ABCF1: variants seen among roughly 807,000 people sequenced by gnomAD.
The protein encoded by ABCF1 is ATP-binding cassette sub-family F member 1.
Under a neutral mutation model 126.3 loss-of-function variants are expected in ABCF1, and 73 were observed. That is an observed-to-expected ratio of 0.58 (90% CI 0.48 to 0.70). The LOEUF is 0.70. ABCF1 is among the 30% of genes least tolerant of loss of function. The probability of loss-of-function intolerance (pLI) is 0.00; values close to 1 mark genes in which losing one functional copy is unlikely to be tolerated. For missense variants in ABCF1, 786 were observed against 1,057.5 expected (o/e 0.74, Z 3.56); for synonymous variants, 345 against 396.4 (o/e 0.87, Z 1.54).
chr6:30,571,501 C>T lies in ABCF1; in HGVS notation c.14C>T (p.Pro5Leu). The change falls in exon 1 of 25, where the codon CCC (proline) becomes CTC (leucine). Residue 5 changes from proline to leucine, a missense_variant. Around this residue, in one of 4 missense-constraint regions of ABCF1, gnomAD observed 322 missense variants for 322.9 expected, o/e 1.00. Transcript: ENST00000326195. ...ACTGCCACCGCGATGCCGAAGGCGC[C>T]CAAGCAGCAGCCGCCGGAGCCCGAG... MPKA[P>L]KQQPPEPEWI... 6.2e-7 allele frequency: 1 copy of T among 1,611,048 alleles called. No individual in the cohort carries two copies. Among genetic ancestry groups the T allele is most frequent in the Non-Finnish European group, 8.5e-7 (1 of 1,179,466 alleles).
At position 30,586,853 on chromosome 6, in the gene ABCF1, G is replaced by T; in HGVS notation, c.2031+142G>T. 2.1e-6 allele frequency: 2 copies of T among 939,378 alleles called. No homozygotes were observed. Among genetic ancestry groups the T allele is most frequent in the Non-Finnish European group, 3.2e-6 (2 of 616,354 alleles). 58.2% of individuals were successfully genotyped at this position (939,378 alleles called of 1,614,324 possible). On this transcript the variant is annotated intron_variant, in intron 20 of 24. Coordinates refer to ENST00000326195, the MANE Select transcript of ABCF1 (RefSeq NM_001025091.2). The surrounding 1 kb of genome is among the most constrained non-coding windows in gnomAD (Gnocchi z 4.9). ...TAGATGATTCATTTCCCTAAGAGGGGCAGTAGAGGAGGAAAGAGCTTAGAT... is the reference window on the plus strand; with the variant it reads ...TAGATGATTCATTTCCCTAAGAGGGTCAGTAGAGGAGGAAAGAGCTTAGAT...
At chr6:30,588,444 C>T (rs1470832962) in intron 20 of ABCF1, among the ~76,000 whole-genome samples, 1 of 152,060 alleles carries the variant, frequency 6.6e-6, no homozygotes, top group Non-Finnish European at 1.5e-5. Context: ...TCACTGCAAC[C>T]TCCGTCTCCT....
In ABCF1 at chr6:30,589,908, C is replaced by T. The variant is rs1267740487; in HGVS notation, c.2167C>T (p.Arg723Cys). Residue 723 changes from arginine (R) to cysteine (C), a missense_variant, in exon 22 of 25, where the codon CGC (arginine) becomes TGC (cysteine). Transcript: ENST00000326195. ...RGFNLPYQDA[R>C]KCLGRFGLES... ...CTTCAACCTGCCCTACCAGGATGCC[C>T]GCAAGTGCCTGGGCCGCTTCGGCCT... 4.3e-6 allele frequency: 7 copies of T among 1,614,150 alleles called. No individual in the cohort carries two copies. The highest frequency in any genetic ancestry group is 1.7e-4 in the Middle Eastern group (1 of 6,048).
intron 24 of ABCF1, 31 bp from the exon 25 acceptor site, chr6:30,590,504 T>C: frequency 6.3e-7 from 1 of 1,596,370 alleles, no homozygotes; most frequent in Non-Finnish European, 8.5e-7. Flanking sequence ...CCTTTCTTCC[T>C]GCCCTCTGTT....
In ABCF1 at chr6:30,583,972, G is replaced by A. The variant is rs569946018; in HGVS notation, c.1102+82G>A. 6.5e-7 allele frequency: 1 copy of A among 1,529,112 alleles called. No individual in the cohort carries two copies. The highest frequency in any genetic ancestry group is 1.4e-5 in the African/African-American group (1 of 73,206). 94.7% of individuals were successfully genotyped at this position (1,529,112 alleles called of 1,614,324 possible). A position where few individuals can be genotyped will look rare whatever the true frequency, so the allele number is the denominator to read the frequency against. ...CAGCCAGCCAAGAATAGAAGAAATT[G>A]TGGCTATGGAGTTGGAAGGGATGTG... On this transcript the variant is annotated intron_variant, in intron 12 of 24. Transcript: ENST00000326195. This position sits in a 1 kb window ranked among gnomAD's most constrained non-coding sequence, Gnocchi z 4.1.
intron 1 of ABCF1, among the ~76,000 whole-genome samples, chr6:30,576,274 C>CTTT (rs1235123074): frequency 1.8e-4 from 12 of 67,124 alleles, no homozygotes; most frequent in South Asian, 9.0e-4. Flanking sequence ...TCTCTGAGTG[C>CTTT]TCTTTTTTTT....
At position 30,586,533 on chromosome 6, in the gene ABCF1, G is replaced by A. The variant is rs776446823; in HGVS notation, c.1945G>A (p.Asp649Asn). 3.7e-6 allele frequency: 6 copies of A among 1,613,348 alleles called. No individual in the cohort carries two copies. Among genetic ancestry groups the A allele is most frequent in the East Asian group, 2.2e-5 (1 of 44,880 alleles). The change falls in exon 19 of 25, where the codon GAC becomes AAC. Residue 649 changes from aspartate to asparagine, a missense_variant. Transcript: ENST00000326195. This position sits in a 1 kb window ranked among gnomAD's most constrained non-coding sequence, Gnocchi z 4.9. Reference sequence around the variant, plus strand: ...CTTTAAGAACTTGGATTTTGGCATCGACATGGATTCAAGGAGTGAGTTGGC... The same window carrying A: ...CTTTAAGAACTTGGATTTTGGCATCAACATGGATTCAAGGAGTGAGTTGGC... Reference protein sequence around the residue: ...PLFKNLDFGIDMDSRICIVGP... With the variant: ...PLFKNLDFGINMDSRICIVGP...
In ABCF1 at chr6:30,586,884, C is replaced by A. The variant is rs558394940; in HGVS notation, c.2031+173C>A. ...GAGGAGGAAAGAGCTTAGATCAGTT[C>A]AGGGGGGAGAGCTAAGAGAATTAAG... On this transcript the variant is annotated intron_variant, in intron 20 of 24. Transcript: ENST00000326195. This position sits in a 1 kb window ranked among gnomAD's most constrained non-coding sequence, Gnocchi z 4.9. Among the ~76,000 whole-genome samples the A allele has an allele frequency of 1.1e-4, 17 of 152,242 alleles. No individual in the cohort carries two copies. The highest frequency in any genetic ancestry group is 3.9e-4 in the African/African-American group (16 of 41,542).
intron 1 of ABCF1, 107 bp from the exon 2 acceptor site, chr6:30,577,302 T>A: frequency 9.7e-7 from 1 of 1,030,914 alleles, no homozygotes; most frequent in South Asian, 1.6e-5. Context: ...ATAGTTAAGC[T>A]AGAAAAATAA....
chr6:30,578,395 C>G lies in ABCF1; in HGVS notation c.381+10C>G. ...AGGGAAGAAAACCAAGGTAAGCCAT[C>G]TGTGTGGTAAACGGAGACTCCAAGG... On this transcript the variant is annotated intron_variant, in intron 5 of 24. Coordinates refer to ENST00000326195, the MANE Select transcript of ABCF1 (RefSeq NM_001025091.2). 6.2e-7 allele frequency: 1 copy of G among 1,614,136 alleles called. No individual in the cohort carries two copies. Among genetic ancestry groups the G allele is most frequent in the Non-Finnish European group, 8.5e-7 (1 of 1,180,020 alleles).
At position 30,589,704 on chromosome 6, in the gene ABCF1, G is replaced by A. The variant is rs1288915039; in HGVS notation, c.2048G>A (p.Arg683Lys). 1 of 1,614,044 alleles carries A rather than the reference G, an allele frequency of 6.2e-7. No individual in the cohort carries two copies. Among genetic ancestry groups the A allele is most frequent in the East Asian group, 2.2e-5 (1 of 44,896 alleles). ...CCCTTGCAGACCCATGGGGAAATGA[G>A]AAAGAACCACCGGCTGGTAAGTTGG... is the stretch of plus-strand genomic sequence containing the variant. The part of the protein sequence containing the change: ...GKLTPTHGEM[R>K]KNHRLKIGFF... The change falls in exon 21 of 25, where the codon AGA becomes AAA. Residue 683 changes from arginine (R) to lysine (K), a missense_variant. Physicochemically the swap from Arg to Lys is conservative, Grantham distance 26. This residue lies in a region of ABCF1 where 288 missense variants were observed against 423.5 expected (regional missense o/e 0.68). Transcript: ENST00000326195.
chr6:30,585,222 T>A, intron 14 of ABCF1, 38 bp from the exon 15 acceptor site: 2 of 1,572,860 alleles, frequency 1.3e-6, no homozygotes, highest in South Asian at 1.1e-5. Flanking sequence ...CAAGGATCTT[T>A]CTCTCCCTGA....
At chr6:30,575,466 G>A (rs1030730933) in intron 1 of ABCF1, among the ~76,000 whole-genome samples, 6 of 151,844 alleles carry the variant, frequency 4.0e-5, no homozygotes, top group Non-Finnish European at 2.9e-5. Context: ...TAATAAATAG[G>A]CCTAAGCCTG....
chr6:30,583,916 C>T lies in ABCF1; in HGVS notation c.1102+26C>T, dbSNP rs370979514. 175 of 1,609,866 alleles carry T rather than the reference C, an allele frequency of 1.1e-4. No individual in the cohort carries two copies. Among genetic ancestry groups the T allele is most frequent in the Non-Finnish European group, 1.4e-4 (163 of 1,177,280 alleles). On this transcript the variant is annotated intron_variant, in intron 12 of 24. Transcript: ENST00000326195. This position sits in a 1 kb window ranked among gnomAD's most constrained non-coding sequence, Gnocchi z 4.1. Reference sequence around the variant, plus strand: ...GTGAGACCACTGGGGAGAAAAGGGGCTTGGTGGGGTGGGCAGTTGGGTAGA... The same window carrying T: ...GTGAGACCACTGGGGAGAAAAGGGGTTTGGTGGGGTGGGCAGTTGGGTAGA...
At chr6:30,581,385 A>G (rs1801807426) in intron 8 of ABCF1, among the ~76,000 whole-genome samples, 2 of 145,280 alleles carry the variant, frequency 1.4e-5, no homozygotes, top group African/African-American at 5.1e-5. Context: ...ACTGTGCACT[A>G]GAGCTTCCTG....
Position 30,584,548 on chromosome 6 carries a change from T to C in ABCF1, c.1373T>C (p.Met458Thr). ...PTQKFSGGWR[M>T]RVSLARALFM... Reference sequence around the variant, plus strand: ...CAGAAGTTCTCAGGGGGCTGGCGCATGCGTGTCTCCCTGGCCAGGTGGGCC... The same window carrying C: ...CAGAAGTTCTCAGGGGGCTGGCGCACGCGTGTCTCCCTGGCCAGGTGGGCC... Residue 458 changes from methionine to threonine, a missense_variant, in exon 14 of 25, where the codon ATG becomes ACG. Met to Thr is a moderately conservative substitution (Grantham distance 81). Coordinates refer to ENST00000326195, the MANE Select transcript of ABCF1 (RefSeq NM_001025091.2). This position sits in a 1 kb window ranked among gnomAD's most constrained non-coding sequence, Gnocchi z 4.6. The C allele has an allele frequency of 6.2e-7, 1 of 1,605,636 alleles. No homozygotes were observed. Among genetic ancestry groups the C allele is most frequent in the Non-Finnish European group, 8.5e-7 (1 of 1,175,530 alleles).
In ABCF1 at chr6:30,584,596, C is replaced by A; in HGVS notation, c.1391+30C>A. The A allele has an allele frequency of 6.4e-7, 1 of 1,561,856 alleles. No individual in the cohort carries two copies. The highest frequency in any genetic ancestry group is 1.2e-5 in the South Asian group (1 of 84,766). ...GCCATTCACCTCACTGCCCTCCCTT[C>A]CAGCCTCAGACCACCGGGGCCCTTT... is the stretch of plus-strand genomic sequence containing the variant. On this transcript the variant is annotated intron_variant, in intron 14 of 24. Coordinates refer to ENST00000326195, the MANE Select transcript of ABCF1 (RefSeq NM_001025091.2). This position sits in a 1 kb window ranked among gnomAD's most constrained non-coding sequence, Gnocchi z 4.6.
rs753115342 is a variant in ABCF1 at position 30,590,543 on chromosome 6, G to A, written c.2380G>A (p.Val794Ile). The A allele has an allele frequency of 2.6e-5, 42 of 1,610,108 alleles. No homozygotes were observed. The East Asian group carries it at 5.4e-4, about 21-fold the overall frequency. ...AINEYKGAVI[V>I]VSHDARLITE... ...GCTATCTTTCTTCAAAGCTGTGATC[G>A]TTGTCAGCCATGATGCCCGACTCAT... is the stretch of plus-strand genomic sequence containing the variant. Residue 794 changes from valine (V) to isoleucine (I), a missense_variant, in exon 25 of 25, where the codon GTT becomes ATT. Val to Ile is a conservative substitution (Grantham distance 29, BLOSUM62 3). Coordinates refer to ENST00000326195, the MANE Select transcript of ABCF1 (RefSeq NM_001025091.2).
Position 30,580,480 on chromosome 6 carries a change from T to A in ABCF1, c.639T>A (p.Pro213=). 1 of 1,527,828 alleles carries A rather than the reference T, an allele frequency of 6.5e-7. No individual in the cohort carries two copies. The highest frequency in any genetic ancestry group is 1.3e-5 in the South Asian group (1 of 75,774). 94.6% of individuals were successfully genotyped at this position (1,527,828 alleles called of 1,614,324 possible). A position where few individuals can be genotyped will look rare whatever the true frequency, so the allele number is the denominator to read the frequency against. The change falls in exon 8 of 25, where the codon CCT becomes CCA. Residue 213 remains proline, a synonymous_variant. Coordinates refer to ENST00000326195, the MANE Select transcript of ABCF1 (RefSeq NM_001025091.2). ...AAGAAATTATAAAGGAAAAGGAGCC[T>A]CCCAAACAAGGGAAGGAGAAGGCCA... ...KEEEIIKEKE[P]PKQGKEKAKK...
Sources: allele counts gnomAD v4.1 joint callset (sites outside exome capture counted in the v4.1 genomes callset), GRCh38; gene constraint gnomAD v4.1.1; regional missense constraint gnomAD v4.1.1; non-coding constraint Gnocchi (gnomAD v3.1); transcripts MANE v1.5; gene names NCBI Gene and HGNC (gene_info 2026-07-23, HGNC 2026-07-21).